Variants in MKLN1 observed in about 807,000 individuals in gnomAD.
MKLN1 encodes the protein muskelin.
In MKLN1, 18 loss-of-function variants were observed where a neutral mutation model predicts 99.0. That is an observed-to-expected ratio of 0.18 (90% CI 0.13 to 0.27). The LOEUF is 0.27. Ranked by LOEUF, MKLN1 falls within the 10% of genes least tolerant of loss-of-function variation. MKLN1 has a pLI of 1.00. For synonymous variants in MKLN1, 288 were observed against 293.2 expected, an observed-to-expected ratio of 0.98 and a Z score of 0.18; for missense variants, 621 against 875.9, an observed-to-expected ratio of 0.71 and a Z score of 3.67.
chr7:131,129,856 G>A (rs1795522245), intron 1 of MKLN1, among the ~76,000 whole-genome samples: 1 of 152,194 alleles, frequency 6.6e-6, no homozygotes, highest in African/African-American at 2.4e-5. Flanking sequence ...GATTACAGGT[G>A]TGAGCCACCA....
chr7:131,406,551 A>C (rs186534631), intron 6 of MKLN1, among the ~76,000 whole-genome samples: 1 of 151,990 alleles, frequency 6.6e-6, no homozygotes, highest in East Asian at 1.9e-4. Context: ...TTGTTCATTA[A>C]TTTTACCCAA....
intron 16 of MKLN1, among the ~76,000 whole-genome samples, chr7:131,474,049 TTG>T (rs1796900279): frequency 2.0e-5 from 3 of 151,580 alleles, no homozygotes; most frequent in Non-Finnish European, 4.4e-5. Flanking sequence ...GATCGGGAGG[TTG>T]AGGCAGGAGA....
rs1342893492 is a variant in MKLN1 at position 131,376,000 on chromosome 7, A to G, written c.168+507A>G. On this transcript the variant is annotated intron_variant, in intron 2 of 17. Coordinates refer to ENST00000352689, the MANE Select transcript of MKLN1 (RefSeq NM_013255.5). Reference sequence around the variant, plus strand: ...TATTTATAATGTATTAGGCACACGTATGTCCATATCCTTGAAGAAATTAAT... The same window carrying G: ...TATTTATAATGTATTAGGCACACGTGTGTCCATATCCTTGAAGAAATTAAT... Among the ~76,000 whole-genome samples, 3 of 149,674 alleles carry G rather than the reference A, an allele frequency of 2.0e-5. No individual in the cohort carries two copies. The East Asian group carries it at 5.9e-4, about 29-fold the overall frequency.
intron 3 of MKLN1, among the ~76,000 whole-genome samples, chr7:131,251,195 C>T (rs1178213547): frequency 6.6e-6 from 1 of 151,864 alleles, no homozygotes; most frequent in Non-Finnish European, 1.5e-5. Context: ...GTGTAACCAC[C>T]ATCACCATTA....
chr7:131,230,982 G>A (rs1269769671), intron 3 of MKLN1, among the ~76,000 whole-genome samples: 1 of 151,694 alleles, frequency 6.6e-6, no homozygotes, highest in Non-Finnish European at 1.5e-5. Context: ...TTAGCTGGGC[G>A]TGGTGGTGAC....
intron 3 of MKLN1, among the ~76,000 whole-genome samples, chr7:131,273,188 T>C (rs567210706): frequency 8.5e-4 from 129 of 152,264 alleles, no homozygotes; most frequent in African/African-American, 3.1e-3. Flanking sequence ...CCTTGCTCTT[T>C]CCACTGTGCC....
At chr7:131,312,399 G>A (rs1798582895) in intron 3 of MKLN1, among the ~76,000 whole-genome samples, 1 of 152,060 alleles carries the variant, frequency 6.6e-6, no homozygotes, top group Non-Finnish European at 1.5e-5. Context: ...CTCCAAGAAA[G>A]CCCTGTTATT....
intron 1 of MKLN1, among the ~76,000 whole-genome samples, chr7:131,120,548 C>CAAAAAAAAAAAA (rs55945614): frequency 3.1e-5 from 3 of 98,108 alleles, no homozygotes; most frequent in African/African-American, 1.2e-4. Flanking sequence ...GACTCCCTCT[C>CAAAAAAAAAAAA]AAAAAAAAAA....
At position 131,495,270 on chromosome 7, in the gene MKLN1, C is replaced by T. The variant is rs1012901937; in HGVS notation, c.*7542C>T. On this transcript the variant is annotated 3_prime_UTR_variant, in exon 18 of 18. Transcript: ENST00000352689. ...TAGATTGAGAAGAAAGATACAACTT[C>T]CTCCATAGCCAATAAAATCTGTCTT... 1 of 152,168 alleles carries T rather than the reference C, an allele frequency of 6.6e-6. No homozygotes were observed. The highest frequency in any genetic ancestry group is 1.5e-5 in the Non-Finnish European group (1 of 68,024). 9.4% of individuals were successfully genotyped at this position (152,168 alleles called of 1,614,324 possible).
intron 8 of MKLN1, among the ~76,000 whole-genome samples, chr7:131,421,764 G>A (rs899152482): frequency 6.6e-6 from 1 of 152,030 alleles, no homozygotes; most frequent in African/African-American, 2.4e-5. Context: ...ATGTTTTAAA[G>A]TAATTAAAAA....
chr7:131,351,114 G>A (rs1398176087), intron 1 of MKLN1, among the ~76,000 whole-genome samples: 2 of 152,108 alleles, frequency 1.3e-5, no homozygotes, highest in East Asian at 2.0e-4. Flanking sequence ...CAGGTGTGGT[G>A]GTGTGCACCT....
At chr7:131,259,383 A>G (rs143601188) in intron 3 of MKLN1, among the ~76,000 whole-genome samples, 166 of 152,350 alleles carry the variant, frequency 1.1e-3, no homozygotes, top group African/African-American at 3.7e-3. Context: ...TCTGTCTCCT[A>G]GATCAAACAG....
At chr7:131,406,465 G>T (rs1353663582) in intron 6 of MKLN1, among the ~76,000 whole-genome samples, 1 of 151,682 alleles carries the variant, frequency 6.6e-6, no homozygotes, top group African/African-American at 2.4e-5. Context: ...TTCTATTGTT[G>T]TCAATTGCTC....
At position 131,463,230 on chromosome 7, in the gene MKLN1, A is replaced by T; in HGVS notation, c.1539A>T (p.Gly513=). 6.2e-7 allele frequency: 1 copy of T among 1,611,458 alleles called. No homozygotes were observed. ...KKDSGMVPMT[G]FTQRATIDPE... ...TTTAATTTGTAGTTCCAATGACAGGATTTACACAGAGAGCAACTATTGATC... is the reference window on the plus strand; with the variant it reads ...TTTAATTTGTAGTTCCAATGACAGGTTTTACACAGAGAGCAACTATTGATC... The change falls in exon 13 of 18, where the codon GGA becomes GGT. Residue 513 remains glycine, a synonymous_variant. Coordinates refer to ENST00000352689, the MANE Select transcript of MKLN1 (RefSeq NM_013255.5).
chr7:131,221,450 G>C (rs946595095), intron 3 of MKLN1, among the ~76,000 whole-genome samples: 1 of 151,932 alleles, frequency 6.6e-6, no homozygotes, highest in South Asian at 2.1e-4. Context: ...CCTTAGACTG[G>C]GTGAATCATG....
chr7:131,160,582 G>A lies in MKLN1; in HGVS notation c.-297+17641G>A, dbSNP rs181504436. ...CACTCAGGCTAGAGTGCAGTGGTGC[G>A]ATCTTGGCTTACTGCAACCTCTGCC... On this transcript the variant is annotated intron_variant, in intron 2 of 7. Coordinates refer to the MKLN1 transcript ENST00000416992. Among the ~76,000 whole-genome samples the A allele has an allele frequency of 2.4e-4, 35 of 148,736 alleles. No individual in the cohort carries two copies. The East Asian group carries it at 5.1e-3, about 22-fold the overall frequency.
At position 131,154,464 on chromosome 7, in the gene MKLN1, A is replaced by G. The variant is rs568628296; in HGVS notation, c.-297+11523A>G. Among the ~76,000 whole-genome samples, 60 of 152,316 alleles carry G rather than the reference A, an allele frequency of 3.9e-4. 1 individual carries two copies. The highest frequency in any genetic ancestry group is 1.3e-3 in the African/African-American group (52 of 41,572). On this transcript the variant is annotated intron_variant, in intron 2 of 7. Coordinates refer to the MKLN1 transcript ENST00000416992. ...CATGAGAGGAAGGGAATATAGATGT[A>G]ACATGGAGGAGGTTAGGCAGAAATC...
chr7:131,382,069 A>AT (rs1793866402), intron 2 of MKLN1, among the ~76,000 whole-genome samples: 1 of 152,256 alleles, frequency 6.6e-6, no homozygotes, highest in Admixed American at 6.5e-5. Context: ...TGTGCTAAAA[A>AT]TTAATACAGA....
chr7:131,220,086 C>A (rs4731769), intron 3 of MKLN1, among the ~76,000 whole-genome samples: 1 of 152,096 alleles, frequency 6.6e-6, no homozygotes, highest in African/African-American at 2.4e-5. Flanking sequence ...TGCCTGAGAT[C>A]AGTCTTACCA....
Sources: gnomAD v4.1 joint callset for allele counts (sites outside exome capture counted in the v4.1 genomes callset) on GRCh38, gnomAD v4.1.1 for gene constraint, MANE v1.5 for transcripts, NCBI Gene and HGNC (gene_info 2026-07-23, HGNC 2026-07-21) for gene names.